CDH13: variants seen among roughly 807,000 people sequenced by gnomAD.
CDH13 encodes cadherin 13, also known as cadherin-13.
A neutral mutation model predicts 63.8 loss-of-function variants in CDH13; 24 were observed. That is an observed-to-expected ratio of 0.38 (90% CI 0.27 to 0.53). The LOEUF is 0.53. Ranked by LOEUF, CDH13 falls within the 20% of genes least tolerant of loss-of-function variation. The pLI is 0.85. For synonymous variants in CDH13, 503 were observed against 355.3 expected, an observed-to-expected ratio of 1.42 and a Z score of -4.67; for missense variants, 1,049 against 903.1, an observed-to-expected ratio of 1.16 and a Z score of -2.07.
intron 1 of CDH13, among the ~76,000 whole-genome samples, chr16:82,656,641 G>A (rs1911328217): frequency 6.6e-6 from 1 of 152,012 alleles, no homozygotes; most frequent in East Asian, 1.9e-4. Context: ...GGTGTATGGT[G>A]GATACATGAC....
At chr16:82,745,599 G>T (rs528161844) in intron 1 of CDH13, among the ~76,000 whole-genome samples, 1 of 151,928 alleles carries the variant, frequency 6.6e-6, no homozygotes, top group African/African-American at 2.4e-5. Flanking sequence ...GCGAGACTCT[G>T]TCTCAAAAAA....
intron 6 of CDH13, among the ~76,000 whole-genome samples, chr16:83,408,301 C>G (rs1193791093): frequency 6.6e-6 from 1 of 152,138 alleles, no homozygotes; most frequent in Non-Finnish European, 1.5e-5. Context: ...CATATACAGT[C>G]ACGTGTCACT....
At chr16:83,737,978 C>T (rs766673387) in intron 10 of CDH13, among the ~76,000 whole-genome samples, 7 of 152,164 alleles carry the variant, frequency 4.6e-5, no homozygotes, top group Non-Finnish European at 7.3e-5. Context: ...CAATGGCAGA[C>T]AGTAATGTAT....
At chr16:83,162,093 G>C (rs1026577280) in intron 4 of CDH13, among the ~76,000 whole-genome samples, 4 of 152,176 alleles carry the variant, frequency 2.6e-5, no homozygotes, top group Non-Finnish European at 4.4e-5. Flanking sequence ...GGTTAAACAT[G>C]AACTGCTTCT....
intron 1 of CDH13, among the ~76,000 whole-genome samples, chr16:82,756,461 C>T (rs1029055596): frequency 2.6e-5 from 4 of 152,164 alleles, no homozygotes; most frequent in African/African-American, 9.7e-5. Flanking sequence ...CTCCTTTAAC[C>T]TGCGTGGCAA....
chr16:82,788,018 C>T (rs1475698071), intron 1 of CDH13, among the ~76,000 whole-genome samples: 3 of 152,170 alleles, frequency 2.0e-5, no homozygotes, highest in South Asian at 2.1e-4. Flanking sequence ...ACACACCATT[C>T]ATAAGATTTA....
At chr16:83,711,323 T>C (rs935095865) in intron 10 of CDH13, among the ~76,000 whole-genome samples, 6 of 152,112 alleles carry the variant, frequency 3.9e-5, no homozygotes, top group African/African-American at 1.2e-4. Context: ...GGGAAACAAA[T>C]GCCAGACGGG....
intron 1 of CDH13, among the ~76,000 whole-genome samples, chr16:82,710,554 T>A (rs974607853): frequency 0.051 from 3,324 of 64,942 alleles, 58 homozygotes; most frequent in South Asian, 0.081. Context: ...AAAAAAAAAA[T>A]ATATATATAT....
chr16:83,626,751 C>A (rs1317578588), intron 8 of CDH13, among the ~76,000 whole-genome samples: 2 of 152,062 alleles, frequency 1.3e-5, no homozygotes, highest in African/African-American at 4.8e-5. Context: ...GGAGCCATGA[C>A]CAAAAGCAGA....
rs1174240947 is a variant in CDH13 at position 83,429,759 on chromosome 16, TTTTTA to T, written c.782-56705_782-56701del. Reference sequence around the variant, plus strand: ...ATATTCCACTATGACATGAACCACGTTTTTATTTTATTTTATTGTGGTAAGAACAC... The same window carrying T: ...ATATTCCACTATGACATGAACCACGTTTTTATTTTATTGTGGTAAGAACAC... On this transcript the variant is annotated intron_variant, in intron 6 of 13. Coordinates refer to ENST00000567109, the MANE Select transcript of CDH13 (RefSeq NM_001257.5). Among the ~76,000 whole-genome samples the T allele has an allele frequency of 2.0e-5, 3 of 152,120 alleles. No individual in the cohort carries two copies. In the East Asian group the frequency reaches 5.8e-4, roughly 29 times the overall value.
intron 1 of CDH13, among the ~76,000 whole-genome samples, chr16:82,692,899 C>A (rs774349310): frequency 3.3e-4 from 51 of 152,276 alleles, no homozygotes; most frequent in Admixed American, 9.2e-4. Context: ...AATCCTCTTC[C>A]CTTGAGGAAC....
intron 6 of CDH13, among the ~76,000 whole-genome samples, chr16:83,354,757 G>A (rs1010797231): frequency 3.3e-5 from 5 of 152,172 alleles, no homozygotes; most frequent in African/African-American, 1.2e-4. Context: ...GGTGAGACAG[G>A]GAGATGGGCA....
At chr16:83,713,413 T>C (rs1420312736) in intron 10 of CDH13, among the ~76,000 whole-genome samples, 1 of 152,126 alleles carries the variant, frequency 6.6e-6, no homozygotes, top group Non-Finnish European at 1.5e-5. Flanking sequence ...GAGCATTGCA[T>C]TCTTTTATAC....
intron 1 of CDH13, among the ~76,000 whole-genome samples, chr16:82,835,343 C>T (rs2549137): frequency 0.96 from 146,297 of 152,264 alleles, 70,564 homozygotes; most frequent in East Asian, 1. Flanking sequence ...GGGAATGCTC[C>T]GTATAAATCT....
chr16:83,779,047 A>T (rs150569906), intron 11 of CDH13, among the ~76,000 whole-genome samples: 166 of 152,320 alleles, frequency 1.1e-3, no homozygotes, highest in Non-Finnish European at 2.0e-3. Context: ...TGTGAGAATG[A>T]CTTTTTAGTG....
chr16:82,931,968 AG>A (rs1472445091), intron 2 of CDH13, among the ~76,000 whole-genome samples: 1 of 152,184 alleles, frequency 6.6e-6, no homozygotes, highest in Non-Finnish European at 1.5e-5. Context: ...GTGGATGTTC[AG>A]AAAGCATCTT....
chr16:83,350,566 T>G (rs1049729879), intron 6 of CDH13, among the ~76,000 whole-genome samples: 1 of 149,066 alleles, frequency 6.7e-6, no homozygotes, highest in African/African-American at 2.5e-5. Context: ...AATTTTTTTT[T>G]CCATCCAGTA....
At chr16:83,202,343 G>A (rs775007370) in intron 4 of CDH13, among the ~76,000 whole-genome samples, 1 of 152,204 alleles carries the variant, frequency 6.6e-6, no homozygotes, top group African/African-American at 2.4e-5. Context: ...GCTGAAGACA[G>A]AGGCAGGGAT....
At chr16:83,715,629 G>A (rs976503145) in intron 10 of CDH13, among the ~76,000 whole-genome samples, 9 of 152,216 alleles carry the variant, frequency 5.9e-5, no homozygotes, top group African/African-American at 1.9e-4. Flanking sequence ...TGCAAAAACA[G>A]TGTCTTTGAG....
Sources: gnomAD v4.1 joint callset for allele counts (sites outside exome capture counted in the v4.1 genomes callset) on GRCh38, gnomAD v4.1.1 for gene constraint, MANE v1.5 for transcripts, NCBI Gene and HGNC (gene_info 2026-07-23, HGNC 2026-07-21) for gene names.